Variants in GTF2A1 observed in about 807,000 individuals in gnomAD.
GTF2A1 encodes transcription initiation factor IIA subunit 1.
A neutral mutation model predicts 54.1 loss-of-function variants in GTF2A1; 12 were observed. That is an observed-to-expected ratio of 0.22 (90% CI 0.14 to 0.36). The LOEUF (loss-of-function observed/expected upper bound fraction) is 0.36. Ranked by LOEUF, GTF2A1 falls within the 10% of genes least tolerant of loss-of-function variation. The pLI, the probability that GTF2A1 is intolerant of heterozygous loss-of-function variation, is 1.00. For missense variants in GTF2A1, 335 were observed against 442.2 expected, an observed-to-expected ratio of 0.76 and a Z score of 2.17; for synonymous variants, 145 against 152.0, an observed-to-expected ratio of 0.95 and a Z score of 0.34.
chr14:81,215,805 G>T (rs1160414863), intron 2 of GTF2A1, among the ~76,000 whole-genome samples: 1 of 152,126 alleles, frequency 6.6e-6, no homozygotes, highest in Non-Finnish European at 1.5e-5. Flanking sequence ...GGAGGCCGAG[G>T]CGGGAGGATC....
At chr14:81,182,654 T>C (rs1003512199) in intron 8 of GTF2A1, among the ~76,000 whole-genome samples, 1 of 152,228 alleles carries the variant, frequency 6.6e-6, no homozygotes, top group African/African-American at 2.4e-5. Context: ...CCTCCTCATA[T>C]TATGCTCTCT....
At chr14:81,184,656 T>C (rs1332101563) in intron 8 of GTF2A1, among the ~76,000 whole-genome samples, 3 of 152,156 alleles carry the variant, frequency 2.0e-5, no homozygotes, top group Admixed American at 1.3e-4. Context: ...ATTTTCTTCA[T>C]CTATAAAGGA....
At chr14:81,186,463 T>C (rs116536462) in intron 7 of GTF2A1, among the ~76,000 whole-genome samples, 5,119 of 152,076 alleles carry the variant, frequency 0.034, 277 homozygotes, top group African/African-American at 0.12. Context: ...TTTTTTTTTT[T>C]CTTAAAGGCA....
chr14:81,189,185 A>T (rs986729419), intron 7 of GTF2A1, among the ~76,000 whole-genome samples: 3 of 152,242 alleles, frequency 2.0e-5, no homozygotes, highest in African/African-American at 7.2e-5. Flanking sequence ...GTTAAAAAAA[A>T]TTTACTAGCA....
chr14:81,186,203 C>T (rs1246000488), intron 7 of GTF2A1, among the ~76,000 whole-genome samples: 1 of 152,210 alleles, frequency 6.6e-6, no homozygotes, highest in Non-Finnish European at 1.5e-5. Context: ...TAATTCTCTA[C>T]AATAACTGTT....
chr14:81,194,293 A>C (rs1470323304), intron 6 of GTF2A1, among the ~76,000 whole-genome samples: 1 of 152,242 alleles, frequency 6.6e-6, no homozygotes, highest in Non-Finnish European at 1.5e-5. Flanking sequence ...CCCCGAAACC[A>C]TCCCTGCTGC....
intron 6 of GTF2A1, among the ~76,000 whole-genome samples, chr14:81,194,807 C>T (rs1480011275): frequency 2.0e-5 from 3 of 152,216 alleles, no homozygotes; most frequent in Admixed American, 6.5e-5. Context: ...TGTTTAGGCT[C>T]TTCTCAGTAG....
chr14:81,209,122 G>T (rs2140036421), intron 2 of GTF2A1, among the ~76,000 whole-genome samples: 1 of 152,264 alleles, frequency 6.6e-6, no homozygotes, highest in East Asian at 1.9e-4. Flanking sequence ...TTGTTTGGCT[G>T]TGTCCCCACC....
intron 1 of GTF2A1, among the ~76,000 whole-genome samples, chr14:81,218,107 A>T (rs1044862109): frequency 2.3e-5 from 3 of 129,754 alleles, no homozygotes; most frequent in African/African-American, 9.0e-5. Context: ...TTTTTTTTTT[A>T]ACCAATAATT....
chr14:81,180,874 T>A (rs1030976757), intron 8 of GTF2A1, among the ~76,000 whole-genome samples: 3 of 152,254 alleles, frequency 2.0e-5, no homozygotes, highest in Non-Finnish European at 2.9e-5. Context: ...GCTAAAACTA[T>A]TCTTTTCCAC....
intron 7 of GTF2A1, among the ~76,000 whole-genome samples, chr14:81,189,306 G>C (rs931579364): frequency 6.6e-6 from 1 of 152,104 alleles, no homozygotes; most frequent in Non-Finnish European, 1.5e-5. Context: ...AAGGAAAAAT[G>C]GCAGAAAAAC....
chr14:81,195,676 G>C (rs571665465), intron 6 of GTF2A1, among the ~76,000 whole-genome samples: 1 of 151,514 alleles, frequency 6.6e-6, no homozygotes, highest in South Asian at 2.1e-4. Flanking sequence ...ACAAGAATTG[G>C]TAGGGCTTGA....
rs370485921 is a variant in GTF2A1, at chr14:81,217,181, C to T, written c.31-667G>A. Among the ~76,000 whole-genome samples the T allele has an allele frequency of 8.5e-5, 13 of 152,288 alleles. No homozygotes were observed. The East Asian group carries it at 1.3e-3, about 16-fold the overall frequency. On this transcript the variant is annotated intron_variant, in intron 1 of 8. Transcript: ENST00000553612. Reference sequence around the variant, plus strand: ...CTCTAAATGTTTACTATTATTATTACAATTAGCACCGTTGATACTACTTGG... The same window carrying T: ...CTCTAAATGTTTACTATTATTATTATAATTAGCACCGTTGATACTACTTGG...
chr14:81,210,550 CGTTTTT>C (rs996842971), intron 2 of GTF2A1, among the ~76,000 whole-genome samples: 7 of 151,950 alleles, frequency 4.6e-5, no homozygotes, highest in African/African-American at 1.5e-4. Flanking sequence ...TACTAACATA[CGTTTTT>C]GTTTTTGTTT....
At chr14:81,185,467 A>G in intron 8 of GTF2A1, 64 bp downstream of exon 8, 1 of 905,466 alleles carries the variant, frequency 1.1e-6, no homozygotes, top group Non-Finnish European at 1.8e-6. Flanking sequence ...TAAGGCAGAA[A>G]GAATAATGTA....
intron 2 of GTF2A1, among the ~76,000 whole-genome samples, chr14:81,206,470 G>T (rs1375366019): frequency 3.9e-5 from 6 of 152,180 alleles, no homozygotes; most frequent in Non-Finnish European, 7.3e-5. Context: ...AAGATACAGT[G>T]AACAAACCTG....
intron 1 of GTF2A1, among the ~76,000 whole-genome samples, chr14:81,217,551 T>G (rs1009199763): frequency 3.9e-5 from 6 of 152,334 alleles, no homozygotes; most frequent in African/African-American, 1.4e-4. Context: ...GGTTAATCGC[T>G]ATCAAATAAA....
chr14:81,201,275 T>C (rs1893104478), intron 4 of GTF2A1, among the ~76,000 whole-genome samples: 1 of 152,224 alleles, frequency 6.6e-6, no homozygotes, highest in African/African-American at 2.4e-5. Flanking sequence ...TTGCAATTAC[T>C]AGGTCTCCTG....
intron 2 of GTF2A1, among the ~76,000 whole-genome samples, chr14:81,209,371 A>T (rs1326559506): frequency 1.3e-5 from 2 of 152,228 alleles, no homozygotes; most frequent in Non-Finnish European, 2.9e-5. Context: ...AGGCCTCCCC[A>T]GCCATGTGGA....
Sources: allele counts gnomAD v4.1 joint callset (sites outside exome capture counted in the v4.1 genomes callset), GRCh38; gene constraint gnomAD v4.1.1; transcripts MANE v1.5; gene names NCBI Gene and HGNC (gene_info 2026-07-23, HGNC 2026-07-21).